Variants in RYR3 observed in about 807,000 individuals in gnomAD.
RYR3 encodes the protein brain ryanodine receptor-calcium release channel.
In RYR3, 207 loss-of-function variants were observed where a neutral mutation model predicts 584.3. The ratio of observed to expected loss-of-function variants is 0.35; its 90% CI spans 0.32 to 0.40. RYR3 has a LOEUF of 0.40. Ranked by LOEUF, RYR3 falls within the 10% of genes least tolerant of loss-of-function variation. The pLI, the probability that RYR3 is intolerant of heterozygous loss-of-function variation, is 1.00. For synonymous variants in RYR3, 2,416 were observed against 2,248.5 expected (o/e 1.07, Z -2.11); for missense variants, 5,616 against 6,089.2 (o/e 0.92, Z 2.59).
chr15:33,865,828 A>T lies in RYR3; in HGVS notation c.*602A>T, dbSNP rs1286988947. The T allele has an allele frequency of 6.5e-6, 1 of 152,716 alleles. No homozygotes were observed. Among genetic ancestry groups the T allele is most frequent in the Non-Finnish European group, 1.5e-5 (1 of 68,116 alleles). The allele number at this position is 152,716 out of a possible 1,614,324, so 9.5% of individuals were successfully genotyped here. A position where few individuals can be genotyped will look rare whatever the true frequency, so the allele number is the denominator to read the frequency against. On this transcript the variant is annotated 3_prime_UTR_variant, in exon 104 of 104. Coordinates refer to ENST00000634891, the MANE Select transcript of RYR3 (RefSeq NM_001036.6). ...CAAGTTTTTTATGTTTGTGTTCCAG[A>T]AGGACAGTTCCATTCATTAGTTGTG...
intron 2 of RYR3, among the ~76,000 whole-genome samples, chr15:33,477,609 C>G (rs1042343044): frequency 6.8e-6 from 1 of 146,612 alleles, no homozygotes; most frequent in Non-Finnish European, 1.5e-5. Flanking sequence ...GGCGCGGTGG[C>G]TCACGCCTGT....
At chr15:33,843,958 C>T (rs773003295) in intron 92 of RYR3, among the ~76,000 whole-genome samples, 6 of 152,032 alleles carry the variant, frequency 3.9e-5, no homozygotes, top group African/African-American at 1.4e-4. Context: ...TTGTTAGAAG[C>T]GTTATAAAGG....
chr15:33,719,588 G>T (rs1304706521), intron 43 of RYR3, among the ~76,000 whole-genome samples: 3 of 152,176 alleles, frequency 2.0e-5, no homozygotes, highest in Non-Finnish European at 4.4e-5. Flanking sequence ...CTTGTAGTGA[G>T]AAATTACAAC....
At chr15:33,807,375 C>T (rs904751767) in intron 69 of RYR3, among the ~76,000 whole-genome samples, 180 bp from the exon 70 acceptor site, 1 of 152,198 alleles carries the variant, frequency 6.6e-6, no homozygotes, top group Non-Finnish European at 1.5e-5. Flanking sequence ...TCCATCCTAA[C>T]CTCCCACTCA....
At chr15:33,732,619 C>T (rs115447809) in intron 48 of RYR3, among the ~76,000 whole-genome samples, 2,856 of 152,270 alleles carry the variant, frequency 0.019, 80 homozygotes, top group African/African-American at 0.065. Context: ...CAGGTCTTAG[C>T]AGCACAGGCC....
chr15:33,550,075 A>G, intron 9 of RYR3, 85 bp from the exon 10 acceptor site: 3 of 1,373,600 alleles, frequency 2.2e-6, no homozygotes, highest in Non-Finnish European at 3.0e-6. Context: ...TAAGTCTGCT[A>G]GCATGTGTAA....
intron 60 of RYR3, among the ~76,000 whole-genome samples, chr15:33,763,842 A>G (rs1463116423): frequency 7.0e-6 from 1 of 142,162 alleles, no homozygotes; most frequent in East Asian, 2.2e-4. Flanking sequence ...GCAGTGAGCC[A>G]TGATTGCACC....
intron 1 of RYR3, among the ~76,000 whole-genome samples, chr15:33,409,296 ATAAG>A (rs910754086): frequency 6.6e-6 from 1 of 151,500 alleles, no homozygotes; most frequent in Admixed American, 6.6e-5. Flanking sequence ...AAATAAATAA[ATAAG>A]TAAAAAACAA....
chr15:33,515,917 C>A (rs2053477683), intron 3 of RYR3, among the ~76,000 whole-genome samples: 1 of 151,956 alleles, frequency 6.6e-6, no homozygotes, highest in Admixed American at 6.6e-5. Context: ...TAATAGATAC[C>A]ACTTCGCACT....
intron 14 of RYR3, among the ~76,000 whole-genome samples, chr15:33,584,154 C>G (rs552349591): frequency 1.1e-4 from 16 of 152,198 alleles, no homozygotes; most frequent in African/African-American, 3.9e-4. Context: ...GAGAGGATCA[C>G]TTAAGCCCAG....
In RYR3 at chr15:33,742,415, C is replaced by T. The variant is rs1353768684; in HGVS notation, c.7870C>T (p.His2624Tyr). The T allele has an allele frequency of 9.9e-6, 16 of 1,612,380 alleles. No individual in the cohort carries two copies. The highest frequency in any genetic ancestry group is 1.4e-5 in the Non-Finnish European group (16 of 1,178,566). Residue 2624 changes from histidine (H) to tyrosine (Y), a missense_variant, in exon 52 of 104, where the codon CAT becomes TAT. Transcript: ENST00000634891. ...ATACATCGTCACCAAGTATGCTGAG[C>T]ATTCACATGATAAATGGGCCTGTGA... Reference protein sequence around the residue: ...LEYIVTKYAEHSHDKWACDKS... With the variant: ...LEYIVTKYAEYSHDKWACDKS...
chr15:33,467,282 A>T lies in RYR3; in HGVS notation c.52-6137A>T, dbSNP rs571654129. On this transcript the variant is annotated intron_variant, in intron 1 of 103. Coordinates refer to ENST00000634891, the MANE Select transcript of RYR3 (RefSeq NM_001036.6). ...TGCTCCTGGTCATGAGCTGCTCAGT[A>T]CCAGTGATTTGCAGATCTAACTATA... Among the ~76,000 whole-genome samples the T allele has an allele frequency of 2.0e-5, 3 of 152,364 alleles. No individual in the cohort carries two copies. In the South Asian group the frequency reaches 6.2e-4, roughly 32 times the overall value.
rs763195593 is a variant in RYR3 at position 33,584,706 on chromosome 15, A to AT, written c.1669+222dup. On this transcript the variant is annotated intron_variant, in intron 15 of 103. Transcript: ENST00000634891. ...GACTTCAACAATCCTTCCTTTTTAA[A>AT]TTTTTTACTCTGTGCCTTCATTGTT... Among the ~76,000 whole-genome samples the AT allele has an allele frequency of 2.0e-5, 3 of 151,970 alleles. No homozygotes were observed. In the South Asian group the frequency reaches 6.2e-4, roughly 32 times the overall value.
At chr15:33,547,047 T>A (rs2056299835) in intron 8 of RYR3, among the ~76,000 whole-genome samples, 1 of 152,230 alleles carries the variant, frequency 6.6e-6, no homozygotes. Flanking sequence ...TGGGGACTGC[T>A]GTTCTTGAGA....
At chr15:33,373,038 C>T (rs982594688) in intron 1 of RYR3, among the ~76,000 whole-genome samples, 17 of 152,220 alleles carry the variant, frequency 1.1e-4, no homozygotes, top group South Asian at 8.3e-4. Context: ...TCTCATACTT[C>T]TCACGTGTCT....
intron 12 of RYR3, among the ~76,000 whole-genome samples, chr15:33,576,461 A>G (rs910664899): frequency 1.3e-5 from 2 of 152,232 alleles, no homozygotes. Flanking sequence ...GGCTGGTTCA[A>G]CATATGCAAA....
chr15:33,556,792 T>C (rs1198944091), intron 10 of RYR3, among the ~76,000 whole-genome samples: 1 of 152,164 alleles, frequency 6.6e-6, no homozygotes, highest in Non-Finnish European at 1.5e-5. Flanking sequence ...CTCCCCTGGC[T>C]GCACTCACAT....
At chr15:33,525,135 C>G (rs2054295501) in intron 3 of RYR3, among the ~76,000 whole-genome samples, 1 of 152,098 alleles carries the variant, frequency 6.6e-6, no homozygotes, top group African/African-American at 2.4e-5. Context: ...TTTATGTTTC[C>G]TGTGGATCTT....
chr15:33,606,698 C>G (rs1405571508), intron 18 of RYR3, among the ~76,000 whole-genome samples: 1 of 152,174 alleles, frequency 6.6e-6, no homozygotes, highest in Non-Finnish European at 1.5e-5. Context: ...CTTTCCCTCT[C>G]TGGATGGAGA....
Sources: gnomAD v4.1 joint callset for allele counts (sites outside exome capture counted in the v4.1 genomes callset) on GRCh38, gnomAD v4.1.1 for gene constraint, MANE v1.5 for transcripts, NCBI Gene and HGNC (gene_info 2026-07-23, HGNC 2026-07-21) for gene names.